Variants in RAD51C observed in about 807,000 individuals in gnomAD.
The protein encoded by RAD51C is DNA repair protein RAD51 homolog 3.
RAD51C carries 42 observed loss-of-function variants against 45.0 expected under a neutral mutation model. That is an observed-to-expected ratio of 0.93 (90% CI 0.73 to 1.21). The LOEUF is 1.21. Among genes scored for constraint, RAD51C ranks in the 50% most tolerant of loss-of-function variants. The pLI is 0.00. For missense variants in RAD51C, 474 were observed against 452.2 expected, an observed-to-expected ratio of 1.05 and a Z score of -0.44; for synonymous variants, 172 against 159.8, an observed-to-expected ratio of 1.08 and a Z score of -0.58.
At chr17:58,701,574 CTT>C (rs531420773) in intron 3 of RAD51C, among the ~76,000 whole-genome samples, 2 of 143,242 alleles carry the variant, frequency 1.4e-5, no homozygotes, top group Non-Finnish European at 3.1e-5. Flanking sequence ...CAAAATCAAA[CTT>C]TTTTTTTTTT....
chr17:58,694,479 ATTTT>A lies in RAD51C; in HGVS notation c.146-436_146-433del, dbSNP rs35324884. The A allele has an allele frequency of 6.4e-4, 95 of 148,170 alleles. 1 individual carries two copies. The highest frequency in any genetic ancestry group is 7.1e-3 in the Middle Eastern group (2 of 282). The allele number at this position is 148,170 out of a possible 1,614,324, so 9.2% of individuals were successfully genotyped here. A position where few individuals can be genotyped will look rare whatever the true frequency, so the allele number is the denominator to read the frequency against. ...AAAACGAATACCTTTATTAAGCTGA[ATTTT>A]TTTTTTTTTTTTTTTGAGACGGAGT... On this transcript the variant is annotated intron_variant, in intron 1 of 8. Coordinates refer to ENST00000337432, the MANE Select transcript of RAD51C (RefSeq NM_058216.3).
At chr17:58,721,714 G>A (rs187062539) in intron 6 of RAD51C, among the ~76,000 whole-genome samples, 3 of 151,646 alleles carry the variant, frequency 2.0e-5, no homozygotes, top group East Asian at 1.9e-4. Flanking sequence ...AGCCACGGTC[G>A]CGCCATTGCA....
rs192806598 is a variant in RAD51C, at chr17:58,720,095, A to G, written c.838-651A>G. On this transcript the variant is annotated intron_variant, in intron 5 of 8. Transcript: ENST00000337432. ...ATTTGTATTACTTAAATGGCTGGCTATAATAGGTAGATTAATTTCATATTA... is the reference window on the plus strand; with the variant it reads ...ATTTGTATTACTTAAATGGCTGGCTGTAATAGGTAGATTAATTTCATATTA... Among the ~76,000 whole-genome samples the G allele has an allele frequency of 1.5e-4, 23 of 150,786 alleles. No homozygotes were observed. In the East Asian group the frequency reaches 4.4e-3, roughly 29 times the overall value.
intron 6 of RAD51C, among the ~76,000 whole-genome samples, chr17:58,722,782 G>T (rs2048964904): frequency 6.6e-6 from 1 of 152,150 alleles, no homozygotes; most frequent in African/African-American, 2.4e-5. Context: ...CTGGAATTTG[G>T]CCAGGATGCA....
intron 5 of RAD51C, among the ~76,000 whole-genome samples, chr17:58,712,344 C>CAAAAA (rs5821244): frequency 2.3e-4 from 19 of 83,036 alleles, no homozygotes; most frequent in African/African-American, 3.3e-4. Flanking sequence ...CACTCCATCT[C>CAAAAA]AAAAAAAAAA....
At chr17:58,696,946 T>A (rs2143751814) in intron 3 of RAD51C, 87 bp downstream of exon 3, 6 of 1,440,782 alleles carry the variant, frequency 4.2e-6, no homozygotes, top group South Asian at 1.2e-5. Flanking sequence ...AACACTCCAT[T>A]TGGAATGTGA....
At chr17:58,696,169 A>G (rs1391522468) in intron 2 of RAD51C, among the ~76,000 whole-genome samples, 1 of 152,084 alleles carries the variant, frequency 6.6e-6, no homozygotes, top group Non-Finnish European at 1.5e-5. Flanking sequence ...GCAGTGGCTG[A>G]CGCTTGTAAT....
intron 8 of RAD51C, 63 bp downstream of exon 8, chr17:58,732,607 A>AT: frequency 6.7e-7 from 1 of 1,499,262 alleles, no homozygotes; most frequent in Non-Finnish European, 9.3e-7. Context: ...CTAAAGAGAG[A>AT]ATTTACAACT....
chr17:58,717,118 A>G (rs2048768031), intron 5 of RAD51C, among the ~76,000 whole-genome samples: 1 of 151,380 alleles, frequency 6.6e-6, no homozygotes, highest in Non-Finnish European at 1.5e-5. Flanking sequence ...TTTAAAAGCT[A>G]CACCTGGGCC....
intron 1 of RAD51C, chr17:58,693,163 T>C (rs1201352685): frequency 7.7e-6 from 2 of 260,390 alleles, no homozygotes; most frequent in Non-Finnish European, 1.5e-5. Context: ...GGAGTCAGAA[T>C]TGGTTGTCTA....
At position 58,732,378 on chromosome 17, in the gene RAD51C, T is replaced by G. The variant is rs1443924914; in HGVS notation, c.966-106T>G. Reference sequence around the variant, plus strand: ...TGTGTTCTTAGAGAAAAAATAGAATTATTAATATAATAAACCTATACATTT... The same window carrying G: ...TGTGTTCTTAGAGAAAAAATAGAATGATTAATATAATAAACCTATACATTT... On this transcript the variant is annotated intron_variant, in intron 7 of 8. Transcript: ENST00000337432. The G allele has an allele frequency of 3.6e-5, 33 of 908,732 alleles. No individual in the cohort carries two copies. In the East Asian group the frequency reaches 8.9e-4, roughly 25 times the overall value. 56.3% of individuals were successfully genotyped at this position (908,732 alleles called of 1,614,324 possible).
At chr17:58,700,333 T>C (rs953891663) in intron 3 of RAD51C, 1 of 152,238 alleles carries the variant, frequency 6.6e-6, no homozygotes, top group Admixed American at 6.5e-5. Context: ...TCTTCCCTTA[T>C]ACCTTAAAGC....
chr17:58,732,296 T>G (rs931627803), intron 7 of RAD51C, 188 bp from the exon 8 acceptor site: 2 of 490,608 alleles, frequency 4.1e-6, no homozygotes, highest in Non-Finnish European at 7.1e-6. Flanking sequence ...TCATATAAAC[T>G]CTGTTATATA....
At chr17:58,692,834 C>T (rs770175762) in intron 1 of RAD51C, 46 bp downstream of exon 1, 2 of 1,613,506 alleles carry the variant, frequency 1.2e-6, no homozygotes, top group Non-Finnish European at 1.7e-6. Flanking sequence ...CCGCCGTCAG[C>T]GCCGCCTCAG....
chr17:58,726,379 A>C (rs1035292277), intron 7 of RAD51C, among the ~76,000 whole-genome samples: 5 of 150,468 alleles, frequency 3.3e-5, no homozygotes, highest in Non-Finnish European at 5.9e-5. Flanking sequence ...ATATGTGTAC[A>C]TATATACGTG....
chr17:58,725,779 GGTCAAGA>G (rs1260168628), intron 7 of RAD51C, among the ~76,000 whole-genome samples: 1 of 151,970 alleles, frequency 6.6e-6, no homozygotes, highest in Non-Finnish European at 1.5e-5. Flanking sequence ...TGGATCATGG[GGTCAAGA>G]GATCAAGACC....
chr17:58,720,966 C>T (rs2048900262), intron 6 of RAD51C, among the ~76,000 whole-genome samples, 154 bp downstream of exon 6: 2 of 152,152 alleles, frequency 1.3e-5, no homozygotes, highest in African/African-American at 4.8e-5. Flanking sequence ...CCGTTAGATA[C>T]TGATTGTTCC....
intron 2 of RAD51C, among the ~76,000 whole-genome samples, chr17:58,696,044 G>A (rs1428781185): frequency 6.6e-6 from 1 of 151,540 alleles, no homozygotes; most frequent in Non-Finnish European, 1.5e-5. Context: ...TCCAGCTTGG[G>A]TGACAGAGCA....
At chr17:58,716,029 C>T (rs1385960302) in intron 5 of RAD51C, among the ~76,000 whole-genome samples, 3 of 151,230 alleles carry the variant, frequency 2.0e-5, no homozygotes, top group African/African-American at 7.3e-5. Flanking sequence ...CTCTTGAACC[C>T]AGGAGGCAGA....
Sources: gnomAD v4.1 joint callset for allele counts (sites outside exome capture counted in the v4.1 genomes callset) on GRCh38, gnomAD v4.1.1 for gene constraint, MANE v1.5 for transcripts, NCBI Gene and HGNC (gene_info 2026-07-23, HGNC 2026-07-21) for gene names.